Variants in ABLIM1 observed in about 807,000 individuals in gnomAD.
ABLIM1 encodes actin-binding LIM protein 1.
In ABLIM1, 40 loss-of-function variants were observed where a neutral mutation model predicts 107.0. The observed-to-expected ratio is 0.37, with a 90% CI of 0.29 to 0.49. ABLIM1 has a LOEUF of 0.49. Among genes scored for constraint, ABLIM1 ranks in the 20% least tolerant of loss-of-function variants. ABLIM1 has a pLI of 0.97. For missense variants in ABLIM1, 857 were observed against 1,008.5 expected, an observed-to-expected ratio of 0.85 and a Z score of 2.04; for synonymous variants, 357 against 357.3, an observed-to-expected ratio of 1.00 and a Z score of 0.01.
At chr10:114,579,876 C>G (rs542713971) in intron 2 of ABLIM1, among the ~76,000 whole-genome samples, 1 of 152,122 alleles carries the variant, frequency 6.6e-6, no homozygotes, top group Non-Finnish European at 1.5e-5. Context: ...TTATCCAAAA[C>G]TTGTAAACAA....
intron 2 of ABLIM1, among the ~76,000 whole-genome samples, chr10:114,596,506 G>A (rs568222254): frequency 3.9e-5 from 6 of 152,082 alleles, no homozygotes; most frequent in Non-Finnish European, 7.4e-5. Context: ...GCAACACAGC[G>A]AGACCCCCCA....
At chr10:114,712,880 A>G (rs2081582645) in intron 1 of ABLIM1, among the ~76,000 whole-genome samples, 1 of 152,200 alleles carries the variant, frequency 6.6e-6, no homozygotes, top group Non-Finnish European at 1.5e-5. Flanking sequence ...AGCTCCATCC[A>G]TTAATGAAAC....
intron 1 of ABLIM1, among the ~76,000 whole-genome samples, chr10:114,641,247 TAAAAAAAAAAAAA>T (rs35168530): frequency 1.9e-4 from 7 of 37,060 alleles, no homozygotes; most frequent in Non-Finnish European, 2.8e-4. Flanking sequence ...AAGCCAATCA[TAAAAAAAAAAAAA>T]AAAAAAAAAA....
At chr10:114,438,398 T>C (rs927222397) in intron 21 of ABLIM1, among the ~76,000 whole-genome samples, 1 of 152,194 alleles carries the variant, frequency 6.6e-6, no homozygotes, top group Non-Finnish European at 1.5e-5. Flanking sequence ...TAGCTGGGAC[T>C]ATAGGCACAT....
At chr10:114,665,959 G>A (rs1012259234) in intron 1 of ABLIM1, among the ~76,000 whole-genome samples, 2 of 152,198 alleles carry the variant, frequency 1.3e-5, no homozygotes, top group Non-Finnish European at 2.9e-5. Context: ...GTTATAGAAG[G>A]TTTTAGAATA....
rs970329574 is a variant in ABLIM1 at position 114,510,661 on chromosome 10, T to A, written c.895-18783A>T. ...TATTTTTATTTTATTTTATTATTTT[T>A]TTTTTTGAGACAAGGTCTCACTCCC... On this transcript the variant is annotated intron_variant, in intron 6 of 22. Transcript: ENST00000533213. Among the ~76,000 whole-genome samples, 20 of 151,958 alleles carry A rather than the reference T, an allele frequency of 1.3e-4. 1 individual carries two copies. The highest frequency in any genetic ancestry group is 2.9e-4 in the African/African-American group (12 of 41,304).
chr10:114,601,764 C>T (rs760005911), intron 2 of ABLIM1, 63 bp downstream of exon 2: 1 of 1,613,134 alleles, frequency 6.2e-7, no homozygotes, highest in Non-Finnish European at 8.5e-7. Flanking sequence ...AGGGGATGGG[C>T]TGGACCCAAG....
rs554734802 is a variant in ABLIM1, at chr10:114,556,606, T to C, written c.674-8830A>G. 8.5e-5 allele frequency among the ~76,000 whole-genome samples: 13 copies of C among 152,296 alleles called. No homozygotes were observed. In the South Asian group the frequency reaches 2.5e-3, roughly 29 times the overall value. On this transcript the variant is annotated intron_variant, in intron 4 of 22. Transcript: ENST00000533213. ...TAAGAGTTGGGCAGCAGTTTTGACA[T>C]CTTTGAGGCAGAAATGATTCAGGCA...
chr10:114,529,753 G>T (rs549167096), intron 6 of ABLIM1, among the ~76,000 whole-genome samples: 1 of 152,178 alleles, frequency 6.6e-6, no homozygotes, highest in East Asian at 1.9e-4. Context: ...TGGGCTGGGC[G>T]TGGTGGCTCA....
At chr10:114,757,581 T>C (rs2082658733) in intron 1 of ABLIM1, among the ~76,000 whole-genome samples, 1 of 152,172 alleles carries the variant, frequency 6.6e-6, no homozygotes, top group African/African-American at 2.4e-5. Flanking sequence ...ATCAGCAAGT[T>C]CTCTAAGCAA....
chr10:114,546,091 G>A (rs1379435008), intron 5 of ABLIM1, among the ~76,000 whole-genome samples: 6 of 151,934 alleles, frequency 3.9e-5, no homozygotes, highest in Admixed American at 1.3e-4. Flanking sequence ...GCCCAGGGCC[G>A]CCTCCTTCAG....
chr10:114,606,463 T>C (rs2076417850), intron 1 of ABLIM1, among the ~76,000 whole-genome samples: 1 of 152,132 alleles, frequency 6.6e-6, no homozygotes, highest in African/African-American at 2.4e-5. Context: ...CTTGATCTCT[T>C]GACCTTGTGA....
chr10:114,633,998 A>C, intron 1 of ABLIM1, among the ~76,000 whole-genome samples: 3 of 148,096 alleles, frequency 2.0e-5, no homozygotes, highest in Admixed American at 1.4e-4. Context: ...TCCTTCCCCC[A>C]CACCAGCCCC....
rs60775863 is a variant in ABLIM1 at position 114,718,043 on chromosome 10, G to GAGAAAGAAAGAAAGAA, written c.-213+50002_-213+50017dup. 9.1e-5 allele frequency among the ~76,000 whole-genome samples: 7 copies of GAGAAAGAAAGAAAGAA among 77,178 alleles called. No homozygotes were observed. In the East Asian group the frequency reaches 1.0e-3, roughly 12 times the overall value. 50.6% of individuals were successfully genotyped at this position (77,178 alleles called of 152,430 possible). A position where few individuals can be genotyped will look rare whatever the true frequency, so the allele number is the denominator to read the frequency against. On this transcript the variant is annotated intron_variant, in intron 1 of 15. Transcript: ENST00000651092. ...GGAAGGAAGGAAGGAGAAAGAGAAA[G>GAGAAAGAAAGAAAGAA]AGAAAGAAAGAAAGAAAGAAAGGAA...
intron 6 of ABLIM1, among the ~76,000 whole-genome samples, chr10:114,514,286 G>T (rs1268891610): frequency 1.4e-5 from 2 of 143,880 alleles, no homozygotes; most frequent in African/African-American, 5.3e-5. Flanking sequence ...GTGACAGAGC[G>T]AGACTCTGTC....
At chr10:114,439,052 C>T (rs2059823446) in intron 21 of ABLIM1, 124 bp downstream of exon 21, 2 of 1,155,378 alleles carry the variant, frequency 1.7e-6, no homozygotes, top group Non-Finnish European at 1.3e-6. Flanking sequence ...GGTGCATATT[C>T]ATGACATGGC....
At chr10:114,613,074 T>A (rs1463551099) in intron 1 of ABLIM1, among the ~76,000 whole-genome samples, 2 of 152,204 alleles carry the variant, frequency 1.3e-5, no homozygotes, top group Non-Finnish European at 2.9e-5. Flanking sequence ...TGGCTGCTTC[T>A]ACTTCCAGGA....
chr10:114,646,531 A>C (rs1000622348), intron 1 of ABLIM1, among the ~76,000 whole-genome samples: 3 of 152,228 alleles, frequency 2.0e-5, no homozygotes, highest in Non-Finnish European at 4.4e-5. Flanking sequence ...AGTAGACCAA[A>C]CAGCACAAGG....
At chr10:114,785,373 T>A in the ABLIM1 span, among the ~76,000 whole-genome samples, 1 of 152,218 alleles carries the variant, frequency 6.6e-6, no homozygotes, top group African/African-American at 2.4e-5. Flanking sequence ...AAGATTGAAG[T>A]CTCTTGTATT....
Sources: allele counts gnomAD v4.1 joint callset (sites outside exome capture counted in the v4.1 genomes callset), GRCh38; gene constraint gnomAD v4.1.1; transcripts MANE v1.5; gene names NCBI Gene and HGNC (gene_info 2026-07-23, HGNC 2026-07-21).